Variants in JAKMIP1 observed in about 807,000 individuals in gnomAD.
JAKMIP1 encodes the protein janus kinase and microtubule interacting protein 1.
JAKMIP1 carries 33 observed loss-of-function variants against 113.0 expected under a neutral mutation model. That is an observed-to-expected ratio of 0.29 (90% CI 0.22 to 0.39). The LOEUF (loss-of-function observed/expected upper bound fraction) is 0.39, where lower values mean the gene tolerates loss of function less well. Among genes scored for constraint, JAKMIP1 ranks in the 10% least tolerant of loss-of-function variants. The pLI, the probability that JAKMIP1 is intolerant of heterozygous loss-of-function variation, is 1.00. For synonymous variants in JAKMIP1, 480 were observed against 459.9 expected, an observed-to-expected ratio of 1.04 and a Z score of -0.56; for missense variants, 813 against 1,080.5, an observed-to-expected ratio of 0.75 and a Z score of 3.47.
chr4:6,073,290 T>C (rs926024456), intron 8 of JAKMIP1, among the ~76,000 whole-genome samples: 11 of 152,028 alleles, frequency 7.2e-5, no homozygotes, highest in African/African-American at 2.7e-4. Context: ...CCCATCAGAA[T>C]GGATGCAAGA....
intron 3 of JAKMIP1, among the ~76,000 whole-genome samples, chr4:6,087,935 C>A (rs529295848): frequency 6.6e-6 from 1 of 152,282 alleles, no homozygotes. Flanking sequence ...ATCCCAAATC[C>A]CGAGTGTTGC....
At chr4:6,161,553 GAA>G (rs34013600) in intron 1 of JAKMIP1, among the ~76,000 whole-genome samples, 2 of 147,800 alleles carry the variant, frequency 1.4e-5, no homozygotes, top group African/African-American at 5.0e-5. Flanking sequence ...AAACTCAGTG[GAA>G]AAAAAAAAAA....
chr4:6,079,730 G>A (rs543375430), intron 7 of JAKMIP1, among the ~76,000 whole-genome samples: 3 of 152,282 alleles, frequency 2.0e-5, no homozygotes, highest in Non-Finnish European at 4.4e-5. Context: ...GTCTTAGCAA[G>A]GTGCTGGTCT....
At chr4:6,127,351 T>C (rs536913019) in intron 1 of JAKMIP1, among the ~76,000 whole-genome samples, 1 of 152,120 alleles carries the variant, frequency 6.6e-6, no homozygotes, top group South Asian at 2.1e-4. Context: ...CACGGAAAAC[T>C]CACACCGTGG....
rs878949373 is a variant in JAKMIP1 at position 6,153,760 on chromosome 4, C to G, written c.-147-40763G>C. Reference sequence around the variant, plus strand: ...GCAAAAATATCCCCCAAATCATAGGCTTCAGGTGCTATATTTTATAACTAT... The same window carrying G: ...GCAAAAATATCCCCCAAATCATAGGGTTCAGGTGCTATATTTTATAACTAT... On this transcript the variant is annotated intron_variant, in intron 1 of 20. Transcript: ENST00000409021. This position sits in a 1 kb window ranked among gnomAD's most constrained non-coding sequence, Gnocchi z 4.9. 1.3e-5 allele frequency among the ~76,000 whole-genome samples: 2 copies of G among 152,326 alleles called. No homozygotes were observed. The highest frequency in any genetic ancestry group is 6.5e-5 in the Admixed American group (1 of 15,302).
Position 6,176,306 on chromosome 4 carries a change from G to C in JAKMIP1, c.-148+23947C>G, listed in dbSNP as rs1291798003. On this transcript the variant is annotated intron_variant, in intron 1 of 20. Coordinates refer to ENST00000409021, the MANE Select transcript of JAKMIP1 (RefSeq NM_001099433.2). The surrounding 1 kb of genome is among the most constrained non-coding windows in gnomAD (Gnocchi z 5.5). Reference sequence around the variant, plus strand: ...CAGCAGGTTCCACGGGGCCCCTGAAGGCAGAGACAGTGTTTAGGCTGTGTC... The same window carrying C: ...CAGCAGGTTCCACGGGGCCCCTGAACGCAGAGACAGTGTTTAGGCTGTGTC... 1.3e-5 allele frequency among the ~76,000 whole-genome samples: 2 copies of C among 152,212 alleles called. No homozygotes were observed. The highest frequency in any genetic ancestry group is 2.9e-5 in the Non-Finnish European group (2 of 68,038).
rs567313462 is a variant in JAKMIP1 at position 6,093,738 on chromosome 4, C to T, written c.625-8109G>A. On this transcript the variant is annotated intron_variant, in intron 3 of 20. Coordinates refer to ENST00000409021, the MANE Select transcript of JAKMIP1 (RefSeq NM_001099433.2). This position sits in a 1 kb window ranked among gnomAD's most constrained non-coding sequence, Gnocchi z 4.6. Reference sequence around the variant, plus strand: ...TGCCGTGCCCTGAAAAGTATCCTGTCTCCAGAGAGGAATGATGCTTACTTG... The same window carrying T: ...TGCCGTGCCCTGAAAAGTATCCTGTTTCCAGAGAGGAATGATGCTTACTTG... 6.6e-6 allele frequency among the ~76,000 whole-genome samples: 1 copy of T among 152,274 alleles called. No homozygotes were observed. The highest frequency in any genetic ancestry group is 1.5e-5 in the Non-Finnish European group (1 of 68,024).
In JAKMIP1 at chr4:6,192,532, G is replaced by A. The variant is rs761913178; in HGVS notation, c.-148+7721C>T. Among the ~76,000 whole-genome samples, 11 of 152,106 alleles carry A rather than the reference G, an allele frequency of 7.2e-5. No homozygotes were observed. Among genetic ancestry groups the A allele is most frequent in the Non-Finnish European group, 1.5e-4 (10 of 68,022 alleles). ...ATCCAAAACCAACCCCAAGAGATAG[G>A]GACATTCTCTTTATTTCACAAAAGA... On this transcript the variant is annotated intron_variant, in intron 1 of 20. Coordinates refer to ENST00000409021, the MANE Select transcript of JAKMIP1 (RefSeq NM_001099433.2). The surrounding 1 kb of genome is among the most constrained non-coding windows in gnomAD (Gnocchi z 5.0).
In JAKMIP1 at chr4:6,129,288, TG is replaced by T. The variant is rs1341842696; in HGVS notation, c.-147-16292del. On this transcript the variant is annotated intron_variant, in intron 1 of 20. Coordinates refer to ENST00000409021, the MANE Select transcript of JAKMIP1 (RefSeq NM_001099433.2). This position sits in a 1 kb window ranked among gnomAD's most constrained non-coding sequence, Gnocchi z 5.4. ...AACTGGACAAGAGCTGGCACATGTG[TG>T]GTCAGATGCTGGGCGTGGCCCCACC... 5.9e-5 allele frequency among the ~76,000 whole-genome samples: 9 copies of T among 152,198 alleles called. No homozygotes were observed. Among genetic ancestry groups the T allele is most frequent in the Non-Finnish European group, 1.2e-4 (8 of 68,028 alleles).
intron 19 of JAKMIP1, among the ~76,000 whole-genome samples, chr4:6,030,517 G>T (rs1468231572): frequency 2.0e-5 from 3 of 152,130 alleles, no homozygotes; most frequent in Admixed American, 1.3e-4. Flanking sequence ...CGTCTCCACC[G>T]AGGGAATCTG....
rs1722469375 is a variant in JAKMIP1, at chr4:6,094,054, C to A, written c.625-8425G>T. Reference sequence around the variant, plus strand: ...TAGACTGCGAGCTCCCTGCAGATGGCCAGGCAGGGTTTTAGCCATGGCCCC... The same window carrying A: ...TAGACTGCGAGCTCCCTGCAGATGGACAGGCAGGGTTTTAGCCATGGCCCC... On this transcript the variant is annotated intron_variant, in intron 3 of 20. Transcript: ENST00000409021. The surrounding 1 kb of genome is among the most constrained non-coding windows in gnomAD (Gnocchi z 4.2). Among the ~76,000 whole-genome samples the A allele has an allele frequency of 6.6e-6, 1 of 152,078 alleles. No individual in the cohort carries two copies. The highest frequency in any genetic ancestry group is 2.4e-5 in the African/African-American group (1 of 41,406).
At chr4:6,166,768 CT>C (rs1463236280) in intron 1 of JAKMIP1, among the ~76,000 whole-genome samples, 1 of 152,212 alleles carries the variant, frequency 6.6e-6, no homozygotes, top group Non-Finnish European at 1.5e-5. Context: ...GTGCTGCGCA[CT>C]TTCGCTCAAA....
At chr4:6,075,161 T>C (rs1719522243) in intron 8 of JAKMIP1, among the ~76,000 whole-genome samples, 2 of 146,188 alleles carry the variant, frequency 1.4e-5, no homozygotes, top group Non-Finnish European at 3.1e-5. Context: ...AGAGTGAGAC[T>C]CCATCTCAAA....
intron 1 of JAKMIP1, among the ~76,000 whole-genome samples, chr4:6,148,083 G>A (rs1339477911): frequency 6.6e-6 from 1 of 152,210 alleles, no homozygotes; most frequent in African/African-American, 2.4e-5. Flanking sequence ...GGTGCTCAGA[G>A]AATAGCGAGT....
chr4:6,164,714 T>G (rs1402221457), intron 1 of JAKMIP1, among the ~76,000 whole-genome samples: 1 of 152,170 alleles, frequency 6.6e-6, no homozygotes, highest in Non-Finnish European at 1.5e-5. Flanking sequence ...TTGGAAGAAG[T>G]TGATTCTAAC....
At chr4:6,172,505 C>A (rs980220460) in intron 1 of JAKMIP1, among the ~76,000 whole-genome samples, 6 of 151,968 alleles carry the variant, frequency 3.9e-5, no homozygotes, top group Non-Finnish European at 5.9e-5. Context: ...CCTGTTCTGA[C>A]CCCTGGGGAG....
chr4:6,131,795 A>C (rs1718550204), intron 1 of JAKMIP1, among the ~76,000 whole-genome samples: 1 of 152,248 alleles, frequency 6.6e-6, no homozygotes, highest in South Asian at 2.1e-4. Context: ...GAGGAGAGGG[A>C]AATACTTAAA....
intron 1 of JAKMIP1, among the ~76,000 whole-genome samples, chr4:6,169,991 CCACCACCACCACCACCACCCT>C (rs1449947637): frequency 2.1e-5 from 2 of 93,278 alleles, no homozygotes; most frequent in African/African-American, 8.7e-5. Flanking sequence ...ACCACCACCA[CCACCACCACCACCACCACCCT>C]CACCACCACC....
intron 1 of JAKMIP1, among the ~76,000 whole-genome samples, chr4:6,114,285 C>T (rs1362912843): frequency 3.3e-5 from 5 of 152,150 alleles, no homozygotes; most frequent in Admixed American, 3.3e-4. Flanking sequence ...ACCAGGGAGG[C>T]TACAGAAGAT....
Sources: gnomAD v4.1 joint callset for allele counts (sites outside exome capture counted in the v4.1 genomes callset) on GRCh38, gnomAD v4.1.1 for gene constraint, Gnocchi (gnomAD v3.1) non-coding constraint, MANE v1.5 for transcripts, NCBI Gene and HGNC (gene_info 2026-07-23, HGNC 2026-07-21) for gene names.